Variants in SCLT1 observed in about 807,000 individuals in gnomAD.
SCLT1 encodes sodium channel-associated protein 1.
In SCLT1, 78 loss-of-function variants were observed where a neutral mutation model predicts 112.8. The observed-to-expected ratio is 0.69, with a 90% CI of 0.58 to 0.83. The LOEUF is 0.83. Among genes scored for constraint, SCLT1 ranks in the 40% least tolerant of loss-of-function variants. The pLI is 0.00. For missense variants in SCLT1, 747 were observed against 770.4 expected (o/e 0.97, Z 0.36); for synonymous variants, 257 against 254.7 (o/e 1.01, Z -0.09).
chr4:128,997,974 C>CT, intron 7 of SCLT1, 35 bp from the exon 8 acceptor site: 1 of 1,110,660 alleles, frequency 9.0e-7, no homozygotes, highest in Non-Finnish European at 1.2e-6. Context: ...ATATAAATAG[C>CT]ATTTTGTTGT....
chr4:129,048,179 T>G (rs1326735484), intron 2 of SCLT1, among the ~76,000 whole-genome samples: 2 of 152,158 alleles, frequency 1.3e-5, no homozygotes, highest in African/African-American at 4.8e-5. Context: ...AAGTCAATCC[T>G]AAGCCAAAAG....
At chr4:129,003,576 A>G (rs1743721539) in intron 6 of SCLT1, among the ~76,000 whole-genome samples, 165 bp downstream of exon 6, 2 of 152,108 alleles carry the variant, frequency 1.3e-5, no homozygotes, top group Non-Finnish European at 2.9e-5. Flanking sequence ...TCTAACAGTG[A>G]GGGTATTTAT....
At chr4:128,887,594 T>C (rs1732983053) in intron 20 of SCLT1, among the ~76,000 whole-genome samples, 1 of 152,304 alleles carries the variant, frequency 6.6e-6, no homozygotes, top group East Asian at 1.9e-4. Context: ...TATCTATCTA[T>C]CCATTTCAAC....
chr4:128,960,232 A>C (rs1184853168), intron 11 of SCLT1, among the ~76,000 whole-genome samples: 3 of 152,262 alleles, frequency 2.0e-5, no homozygotes, highest in Non-Finnish European at 2.9e-5. Flanking sequence ...TATATCTTAA[A>C]ATAATTTTCT....
In SCLT1 at chr4:129,011,119, T is replaced by G. The variant is rs191226015; in HGVS notation, c.291-7243A>C. ...TCAATACCTAGCTTATTGAGACTTT[T>G]TGACATGAAGAATGTTAAATTTTAA... On this transcript the variant is annotated intron_variant, in intron 5 of 20. Transcript: ENST00000281142. Among the ~76,000 whole-genome samples, 22 of 152,358 alleles carry G rather than the reference T, an allele frequency of 1.4e-4. No individual in the cohort carries two copies. The East Asian group carries it at 3.3e-3, about 23-fold the overall frequency.
intron 2 of SCLT1, among the ~76,000 whole-genome samples, chr4:129,057,622 A>C (rs1302805444): frequency 6.7e-5 from 10 of 149,582 alleles, no homozygotes; most frequent in Non-Finnish European, 3.0e-5. Context: ...TGGTCTGTTC[A>C]GGTTTTCTAT....
chr4:129,058,335 A>G (rs762593654), intron 2 of SCLT1, among the ~76,000 whole-genome samples: 7 of 150,710 alleles, frequency 4.6e-5, no homozygotes, highest in East Asian at 3.9e-4. Context: ...AAGTCTTTCT[A>G]TTTTTTTTGA....
At chr4:129,055,605 T>C (rs1457798006) in intron 2 of SCLT1, among the ~76,000 whole-genome samples, 1 of 152,080 alleles carries the variant, frequency 6.6e-6, no homozygotes, top group African/African-American at 2.4e-5. Flanking sequence ...GTCTCAGTAA[T>C]GGTGGATGCC....
At chr4:128,921,614 G>A (rs905998204) in intron 18 of SCLT1, among the ~76,000 whole-genome samples, 4 of 151,978 alleles carry the variant, frequency 2.6e-5, no homozygotes, top group African/African-American at 9.7e-5. Flanking sequence ...AAGACTGAAG[G>A]TGGACCCCTA....
chr4:128,963,856 A>G (rs1416168853), intron 11 of SCLT1, among the ~76,000 whole-genome samples: 1 of 152,098 alleles, frequency 6.6e-6, no homozygotes, highest in African/African-American at 2.4e-5. Context: ...ATTTATTGTC[A>G]CTTTTATTAT....
At chr4:128,955,604 G>A (rs189181170) in intron 13 of SCLT1, among the ~76,000 whole-genome samples, 3 of 152,066 alleles carry the variant, frequency 2.0e-5, no homozygotes, top group Non-Finnish European at 4.4e-5. Context: ...AATTCAACAG[G>A]TTAATTCTAC....
At position 128,954,438 on chromosome 4, in the gene SCLT1, CCTCCAG is replaced by C. The variant is rs59174997; in HGVS notation, c.1147-1604_1147-1599del. Reference sequence around the variant, plus strand: ...GGTTCACACCATTCTCCTGCCTCAGCCTCCAGCTGGGACTACAGGCACCTGCCACCA... The same window carrying C: ...GGTTCACACCATTCTCCTGCCTCAGCCTGGGACTACAGGCACCTGCCACCA... On this transcript the variant is annotated intron_variant, in intron 13 of 20. Transcript: ENST00000281142. Among the ~76,000 whole-genome samples the C allele has an allele frequency of 6.0e-3, 903 of 151,640 alleles. 7 individuals carry two copies. The highest frequency in any genetic ancestry group is 0.021 in the African/African-American group (861 of 41,300).
intron 18 of SCLT1, among the ~76,000 whole-genome samples, chr4:128,908,964 G>C (rs1179313031): frequency 1.3e-5 from 2 of 152,168 alleles, no homozygotes; most frequent in African/African-American, 4.8e-5. Context: ...TTTGTTTGCT[G>C]TGGTGGCTGA....
chr4:128,890,434 T>C (rs1048258569), intron 19 of SCLT1, among the ~76,000 whole-genome samples: 1 of 152,152 alleles, frequency 6.6e-6, no homozygotes, highest in African/African-American at 2.4e-5. Flanking sequence ...CTCATATCAA[T>C]TCATAATGCC....
At chr4:128,955,454 A>G (rs2126008025) in intron 13 of SCLT1, among the ~76,000 whole-genome samples, 1 of 152,348 alleles carries the variant, frequency 6.6e-6, no homozygotes, top group Non-Finnish European at 1.5e-5. Context: ...GATATCTAAG[A>G]AATAAAGTAT....
chr4:129,023,508 T>C (rs909030206), intron 5 of SCLT1, among the ~76,000 whole-genome samples: 7 of 152,178 alleles, frequency 4.6e-5, no homozygotes, highest in Non-Finnish European at 7.3e-5. Flanking sequence ...TAGTCTCTGA[T>C]AAAACAGACT....
intron 14 of SCLT1, among the ~76,000 whole-genome samples, chr4:128,949,626 G>A (rs576127014): frequency 7.9e-5 from 12 of 151,880 alleles, no homozygotes; most frequent in South Asian, 4.2e-4. Context: ...GAGAACATGC[G>A]GTGTTTGGTT....
chr4:128,979,628 A>G (rs193272614), intron 9 of SCLT1, among the ~76,000 whole-genome samples: 206 of 152,316 alleles, frequency 1.4e-3, no homozygotes, highest in Admixed American at 4.2e-3. Flanking sequence ...CAGAGCCACA[A>G]TAAAAAACTA....
Position 128,943,153 on chromosome 4 carries a change from A to G in SCLT1, c.1475T>C (p.Ile492Thr). The G allele has an allele frequency of 6.2e-7, 1 of 1,610,688 alleles. No homozygotes were observed. Among genetic ancestry groups the G allele is most frequent in the Non-Finnish European group, 8.5e-7 (1 of 1,178,824 alleles). ...CTCCAATACATTTTGAAGTTTCTGA[A>G]TCATTTCTTGGTAACGTGATATTTC... ...SEEISRYQEM[I>T]QKLQNVLESE... The change falls in exon 17 of 21, where the codon ATT (isoleucine) becomes ACT (threonine). Residue 492 changes from isoleucine (I) to threonine (T), a missense_variant. Physicochemically the swap from Ile to Thr is moderately conservative, Grantham distance 89. This residue lies in a region of SCLT1 where 723 missense variants were observed against 721.3 expected (regional missense o/e 1.00). Transcript: ENST00000281142.
Sources: gnomAD v4.1 joint callset for allele counts (sites outside exome capture counted in the v4.1 genomes callset) on GRCh38, gnomAD v4.1.1 for gene constraint, gnomAD v4.1.1 regional missense constraint, MANE v1.5 for transcripts, NCBI Gene and HGNC (gene_info 2026-07-23, HGNC 2026-07-21) for gene names.